The following OSBPL10 variants were observed in gnomAD, a reference collection of about 807,000 sequenced individuals.
OSBPL10 encodes oxysterol-binding protein-related protein 10.
OSBPL10 carries 49 observed loss-of-function variants against 81.7 expected under a neutral mutation model. That is an observed-to-expected ratio of 0.60 (90% CI 0.48 to 0.76). The LOEUF (loss-of-function observed/expected upper bound fraction) is 0.76. OSBPL10 is among the 30% of genes least tolerant of loss of function. The pLI is 0.00. For missense variants in OSBPL10, 923 were observed against 987.8 expected, an observed-to-expected ratio of 0.93 and a Z score of 0.88; for synonymous variants, 419 against 383.6, an observed-to-expected ratio of 1.09 and a Z score of -1.08.
At chr3:31,892,551 G>A (rs189162144) in intron 1 of OSBPL10, among the ~76,000 whole-genome samples, 28 of 152,252 alleles carry the variant, frequency 1.8e-4, no homozygotes, top group African/African-American at 6.7e-4. Context: ...TATAAAACTG[G>A]ACAAAACTGT....
At chr3:32,023,159 T>C (rs1172836077) in intron 2 of OSBPL10, among the ~76,000 whole-genome samples, 1 of 152,232 alleles carries the variant, frequency 6.6e-6, no homozygotes, top group Non-Finnish European at 1.5e-5. Flanking sequence ...GGTTTGGCTG[T>C]GATCCATCCA....
chr3:31,839,031 G>A (rs1700431849), intron 3 of OSBPL10, among the ~76,000 whole-genome samples: 2 of 152,176 alleles, frequency 1.3e-5, no homozygotes, highest in South Asian at 4.1e-4. Context: ...TATCTAACCA[G>A]CCATGGTGTA....
At position 31,739,531 on chromosome 3, in the gene OSBPL10, A is replaced by T. The variant is rs533469771; in HGVS notation, c.941-6120T>A. 1.1e-3 allele frequency among the ~76,000 whole-genome samples: 166 copies of T among 152,326 alleles called. 1 individual carries two copies. Among genetic ancestry groups the T allele is most frequent in the African/African-American group, 3.8e-3 (160 of 41,568 alleles). The stretch of plus-strand genomic sequence containing the variant: ...ATAAAAAATGTAGGGTCCTGATCCA[A>T]TTGGATTAGTGTCTCTGATAAAAGA... On this transcript the variant is annotated intron_variant, in intron 5 of 11. Coordinates refer to ENST00000396556, the MANE Select transcript of OSBPL10 (RefSeq NM_017784.5).
chr3:31,944,278 T>A (rs906895881), intron 1 of OSBPL10, among the ~76,000 whole-genome samples: 2 of 152,106 alleles, frequency 1.3e-5, no homozygotes, highest in African/African-American at 4.8e-5. Context: ...AATCTATATT[T>A]CTACCAGCAA....
At chr3:31,718,709 T>A (rs1199703523) in intron 6 of OSBPL10, 1 of 152,236 alleles carries the variant, frequency 6.6e-6, no homozygotes, top group Admixed American at 6.5e-5. Flanking sequence ...GAATTTCTTT[T>A]AAAAACTTTT....
chr3:31,809,262 C>T (rs1175693942), intron 4 of OSBPL10, among the ~76,000 whole-genome samples: 1 of 152,154 alleles, frequency 6.6e-6, no homozygotes, highest in Non-Finnish European at 1.5e-5. Flanking sequence ...GGAATACATG[C>T]AATCCACAGG....
intron 2 of OSBPL10, among the ~76,000 whole-genome samples, chr3:32,013,756 A>T (rs999147690): frequency 2.0e-5 from 3 of 152,244 alleles, no homozygotes; most frequent in African/African-American, 7.2e-5. Context: ...AAAATGATAA[A>T]GTGGATATCA....
chr3:31,888,494 C>T (rs1201842500), intron 1 of OSBPL10, among the ~76,000 whole-genome samples: 1 of 152,160 alleles, frequency 6.6e-6, no homozygotes, highest in African/African-American at 2.4e-5. Flanking sequence ...GCTATAAAAG[C>T]TTCTGTGCAA....
chr3:31,791,403 T>C (rs1699004866), intron 4 of OSBPL10, among the ~76,000 whole-genome samples: 1 of 152,186 alleles, frequency 6.6e-6, no homozygotes, highest in Admixed American at 6.6e-5. Flanking sequence ...GACAGAGTTA[T>C]AAAGAAAGAC....
chr3:31,989,956 A>G (rs866325491), intron 2 of OSBPL10: 1 of 1,614,196 alleles, frequency 6.2e-7, no homozygotes, highest in Middle Eastern at 1.6e-4. Flanking sequence ...TGAATGTGGC[A>G]AGGTTTTTAA....
intron 2 of OSBPL10, chr3:31,991,509 T>C (rs1699029208): frequency 6.0e-6 from 1 of 166,918 alleles, no homozygotes; most frequent in Non-Finnish European, 1.5e-5. Context: ...GTAAGTTCTC[T>C]AGCAAATGGA....
At chr3:31,671,168 T>C (rs772920924) in intron 8 of OSBPL10, among the ~76,000 whole-genome samples, 185 bp from the exon 9 acceptor site, 57 of 152,088 alleles carry the variant, frequency 3.7e-4, no homozygotes, top group Non-Finnish European at 7.4e-4. Context: ...AATACAGCAG[T>C]GAACAAGACA....
chr3:31,962,407 C>T (rs1461036312), intron 1 of OSBPL10, among the ~76,000 whole-genome samples: 1 of 152,034 alleles, frequency 6.6e-6, no homozygotes, highest in African/African-American at 2.4e-5. Flanking sequence ...AAAAAAGTAC[C>T]GGACATGAAA....
chr3:31,744,682 T>TTCCCAATA (rs1575516134), intron 5 of OSBPL10, among the ~76,000 whole-genome samples: 2 of 152,068 alleles, frequency 1.3e-5, no homozygotes, highest in East Asian at 3.9e-4. Flanking sequence ...GTCTCCCCTT[T>TTCCCAATA]TCCCAATAAT....
intron 2 of OSBPL10, chr3:31,990,222 G>A (rs779429610): frequency 3.1e-6 from 5 of 1,613,224 alleles, no homozygotes; most frequent in African/African-American, 1.3e-5. Context: ...CCTTTAGTGG[G>A]CAGTCAACAC....
At chr3:31,715,289 A>C (rs1226599342) in intron 6 of OSBPL10, among the ~76,000 whole-genome samples, 1 of 152,248 alleles carries the variant, frequency 6.6e-6, no homozygotes, top group Non-Finnish European at 1.5e-5. Flanking sequence ...GCATAGAAAG[A>C]AAATACTTTC....
intron 1 of OSBPL10, among the ~76,000 whole-genome samples, chr3:31,949,877 A>G (rs1455637500): frequency 6.6e-6 from 1 of 152,090 alleles, no homozygotes; most frequent in African/African-American, 2.4e-5. Flanking sequence ...CTGAGGTCCC[A>G]CCTATGGACT....
At chr3:31,742,074 G>A (rs1255923651) in intron 5 of OSBPL10, among the ~76,000 whole-genome samples, 1 of 152,198 alleles carries the variant, frequency 6.6e-6, no homozygotes, top group African/African-American at 2.4e-5. Context: ...TCACATTTCT[G>A]TCTTAGCTTT....
chr3:31,701,466 G>C (rs1371631966), intron 7 of OSBPL10, among the ~76,000 whole-genome samples: 2 of 152,164 alleles, frequency 1.3e-5, no homozygotes, highest in East Asian at 3.9e-4. Flanking sequence ...GGATAAGATG[G>C]TGACGCACTT....
Sources: gnomAD v4.1 joint callset for allele counts (sites outside exome capture counted in the v4.1 genomes callset) on GRCh38, gnomAD v4.1.1 for gene constraint, MANE v1.5 for transcripts, NCBI Gene and HGNC (gene_info 2026-07-23, HGNC 2026-07-21) for gene names.